BCAS3: variants seen among roughly 807,000 people sequenced by gnomAD.
The protein encoded by BCAS3 is BCAS3 microtubule associated cell migration factor.
In BCAS3, 53 loss-of-function variants were observed where a neutral mutation model predicts 116.1. That is an observed-to-expected ratio of 0.46 (90% CI 0.37 to 0.57). The LOEUF (loss-of-function observed/expected upper bound fraction) is 0.57, where lower values mean the gene tolerates loss of function less well. Among genes scored for constraint, BCAS3 ranks in the 20% least tolerant of loss-of-function variants. The pLI, the probability that BCAS3 is intolerant of heterozygous loss-of-function variation, is 0.00. For synonymous variants in BCAS3, 391 were observed against 408.2 expected (o/e 0.96, Z 0.51); for missense variants, 917 against 1,165.4 (o/e 0.79, Z 3.10).
intron 9 of BCAS3, among the ~76,000 whole-genome samples, chr17:60,880,998 G>A (rs995796424): frequency 5.3e-5 from 8 of 151,188 alleles, no homozygotes; most frequent in East Asian, 1.9e-4. Flanking sequence ...TTTTTGAGAC[G>A]GAGTCTCGCT....
At chr17:61,369,973 AG>A (rs1437861030) in intron 23 of BCAS3, among the ~76,000 whole-genome samples, 2 of 152,176 alleles carry the variant, frequency 1.3e-5, no homozygotes, top group Non-Finnish European at 2.9e-5. Flanking sequence ...CGAGGCCTGG[AG>A]GAGCTCCCGG....
intron 22 of BCAS3, among the ~76,000 whole-genome samples, chr17:61,125,036 C>T (rs545013052): frequency 6.6e-6 from 1 of 152,126 alleles, no homozygotes; most frequent in African/African-American, 2.4e-5. Flanking sequence ...GAAAGGAATG[C>T]AAAATATTTG....
At chr17:60,898,981 T>A (rs1385788099) in intron 10 of BCAS3, among the ~76,000 whole-genome samples, 1 of 151,886 alleles carries the variant, frequency 6.6e-6, no homozygotes, top group African/African-American at 2.4e-5. Flanking sequence ...CCCAAAGAAG[T>A]GGATTGGTTT....
At chr17:60,684,908 T>C (rs2033794643) in intron 3 of BCAS3, among the ~76,000 whole-genome samples, 1 of 151,958 alleles carries the variant, frequency 6.6e-6, no homozygotes, top group African/African-American at 2.4e-5. Flanking sequence ...CCTGAAAAGC[T>C]GAGTGGGAAA....
rs375517497 is a variant in BCAS3, at chr17:61,097,413, T to C, written c.2425+12849T>C. Reference sequence around the variant, plus strand: ...CAGGATGGTCTCGATCTCCTGACCTTGTGATCCGCCTGCCTCGGCCTCCCA... The same window carrying C: ...CAGGATGGTCTCGATCTCCTGACCTCGTGATCCGCCTGCCTCGGCCTCCCA... On this transcript the variant is annotated intron_variant, in intron 22 of 23. Transcript: ENST00000407086. This position sits in a 1 kb window ranked among gnomAD's most constrained non-coding sequence, Gnocchi z 4.0. 7.9e-5 allele frequency among the ~76,000 whole-genome samples: 12 copies of C among 152,258 alleles called. No individual in the cohort carries two copies. In the South Asian group the frequency reaches 2.5e-3, roughly 32 times the overall value.
intron 22 of BCAS3, among the ~76,000 whole-genome samples, chr17:61,089,859 T>C (rs111231804): frequency 2.0e-5 from 3 of 151,988 alleles, no homozygotes; most frequent in African/African-American, 7.2e-5. Context: ...AAGATTATAT[T>C]TCACTGTATT....
intron 17 of BCAS3, chr17:61,036,106 T>C (rs1422689325): frequency 6.6e-6 from 1 of 152,226 alleles, no homozygotes; most frequent in East Asian, 1.9e-4. Context: ...TGAATCCTTA[T>C]TGCTTCTGTT....
Position 60,969,752 on chromosome 17 carries a change from C to T in BCAS3, c.1222-20219C>T, listed in dbSNP as rs74566093. Among the ~76,000 whole-genome samples, 73 of 152,154 alleles carry T rather than the reference C, an allele frequency of 4.8e-4. No individual in the cohort carries two copies. In the East Asian group the frequency reaches 0.014, roughly 29 times the overall value. On this transcript the variant is annotated intron_variant, in intron 14 of 23. Coordinates refer to ENST00000407086, the MANE Select transcript of BCAS3 (RefSeq NM_017679.5). ...GACATCATAGTCATTTTTCTGAAAACCAAAGTAAGGAGGAAATCTTGAAAG... is the reference window on the plus strand; with the variant it reads ...GACATCATAGTCATTTTTCTGAAAATCAAAGTAAGGAGGAAATCTTGAAAG...
intron 7 of BCAS3, among the ~76,000 whole-genome samples, chr17:60,818,631 C>T (rs747702389): frequency 2.6e-5 from 4 of 152,042 alleles, no homozygotes; most frequent in Non-Finnish European, 2.9e-5. Flanking sequence ...AGATTTATGC[C>T]GTTTTCCCAG....
intron 22 of BCAS3, among the ~76,000 whole-genome samples, chr17:61,287,140 G>T (rs932753862): frequency 1.3e-5 from 2 of 151,658 alleles, no homozygotes; most frequent in East Asian, 3.9e-4. Flanking sequence ...CTTAGCTACT[G>T]GGGAGGCTGA....
chr17:60,953,830 T>G (rs1433259534), intron 14 of BCAS3, among the ~76,000 whole-genome samples: 1 of 151,644 alleles, frequency 6.6e-6, no homozygotes, highest in African/African-American at 2.4e-5. Context: ...GCCTCCCGAG[T>G]TCAGGCGATT....
rs1378103257 is a variant in BCAS3, at chr17:61,204,337, G to GT, written c.2425+119775dup. Among the ~76,000 whole-genome samples, 1 of 152,198 alleles carries GT rather than the reference G, an allele frequency of 6.6e-6. No homozygotes were observed. The highest frequency in any genetic ancestry group is 1.5e-5 in the Non-Finnish European group (1 of 68,046). On this transcript the variant is annotated intron_variant, in intron 22 of 23. Transcript: ENST00000407086. This position sits in a 1 kb window ranked among gnomAD's most constrained non-coding sequence, Gnocchi z 4.2. ...AATAGAATGAAGGTCATGTGAACGA[G>GT]TTCAGAAGATTCTAGATATCACATT... is the stretch of plus-strand genomic sequence containing the variant.
chr17:60,760,927 C>T (rs573487031), intron 6 of BCAS3, among the ~76,000 whole-genome samples: 5 of 152,038 alleles, frequency 3.3e-5, no homozygotes, highest in African/African-American at 1.2e-4. Context: ...TTTATTTTTG[C>T]CTGACTGGAT....
intron 22 of BCAS3, among the ~76,000 whole-genome samples, chr17:61,317,495 G>A (rs1468480747): frequency 6.6e-6 from 1 of 152,186 alleles, no homozygotes; most frequent in Non-Finnish European, 1.5e-5. Flanking sequence ...TGGTGTTTGG[G>A]GCCTGGACCA....
chr17:61,352,620 G>T lies in BCAS3; in HGVS notation c.2426-15707G>T, dbSNP rs1381258269. On this transcript the variant is annotated intron_variant, in intron 22 of 23. Coordinates refer to ENST00000407086, the MANE Select transcript of BCAS3 (RefSeq NM_017679.5). The surrounding 1 kb of genome is among the most constrained non-coding windows in gnomAD (Gnocchi z 4.7). ...TCTTTACCCGTAGGCGCCACACTTG[G>T]CACACAATGAGTCTGTGAGTTGAGG... Among the ~76,000 whole-genome samples the T allele has an allele frequency of 6.6e-6, 1 of 152,174 alleles. No individual in the cohort carries two copies. The highest frequency in any genetic ancestry group is 1.5e-5 in the Non-Finnish European group (1 of 68,036).
Position 61,286,518 on chromosome 17 carries a change from C to T in BCAS3, c.2426-81809C>T, listed in dbSNP as rs925145885. Among the ~76,000 whole-genome samples, 1 of 152,130 alleles carries T rather than the reference C, an allele frequency of 6.6e-6. No individual in the cohort carries two copies. Among genetic ancestry groups the T allele is most frequent in the Non-Finnish European group, 1.5e-5 (1 of 68,034 alleles). On this transcript the variant is annotated intron_variant, in intron 22 of 23. Transcript: ENST00000407086. The surrounding 1 kb of genome is among the most constrained non-coding windows in gnomAD (Gnocchi z 4.8). ...AGAAGGGTTTCTCCAGATTTTCTCA[C>T]GTTAGCATGCTGCTGCTTGGTGCAC...
chr17:60,709,130 T>C, intron 4 of BCAS3, 89 bp from the exon 5 acceptor site: 1 of 653,822 alleles, frequency 1.5e-6, no homozygotes, highest in Non-Finnish European at 2.7e-6. Context: ...GGTGTAAAGA[T>C]TGAATCAGGC....
In BCAS3 at chr17:60,924,416, A is replaced by G; in HGVS notation, c.1003A>G (p.Ser335Gly). The change falls in exon 13 of 24, where the codon AGT becomes GGT. Residue 335 changes from serine (S) to glycine (G), a missense_variant. Transcript: ENST00000407086. ...TTATTTCTTTGTGAAGGTGCTTGTGAGTGAGGATTCTGACAGTGATGGCAT... is the reference window on the plus strand; with the variant it reads ...TTATTTCTTTGTGAAGGTGCTTGTGGGTGAGGATTCTGACAGTGATGGCAT... ...ETVGEGQVLV[S>G]EDSDSDGIVA... The G allele has an allele frequency of 6.2e-7, 1 of 1,610,092 alleles. No homozygotes were observed. The highest frequency in any genetic ancestry group is 8.5e-7 in the Non-Finnish European group (1 of 1,177,778).
Position 61,188,407 on chromosome 17 carries a change from A to G in BCAS3, c.2425+103843A>G, listed in dbSNP as rs751955597. 2.0e-5 allele frequency among the ~76,000 whole-genome samples: 3 copies of G among 151,824 alleles called. No homozygotes were observed. Among genetic ancestry groups the G allele is most frequent in the Non-Finnish European group, 2.9e-5 (2 of 68,036 alleles). On this transcript the variant is annotated intron_variant, in intron 22 of 23. Coordinates refer to ENST00000407086, the MANE Select transcript of BCAS3 (RefSeq NM_017679.5). This position sits in a 1 kb window ranked among gnomAD's most constrained non-coding sequence, Gnocchi z 4.0. ...GTTCTCCATGGAATTTTTCAACAAG[A>G]GAGTTCCCACTCGATTCCTAGTTTA...
Sources: gnomAD v4.1 joint callset for allele counts (sites outside exome capture counted in the v4.1 genomes callset) on GRCh38, gnomAD v4.1.1 for gene constraint, Gnocchi (gnomAD v3.1) non-coding constraint, MANE v1.5 for transcripts, NCBI Gene and HGNC (gene_info 2026-07-23, HGNC 2026-07-21) for gene names.